Variants in DPPA3 observed in about 807,000 individuals in gnomAD.
DPPA3 encodes developmental pluripotency associated 3.
Under a neutral mutation model 15.6 loss-of-function variants are expected in DPPA3, and 9 were observed. The observed-to-expected ratio is 0.58, with a 90% CI of 0.35 to 1.01. The LOEUF is 1.01. Ranked by LOEUF, DPPA3 falls within the 50% of genes least tolerant of loss-of-function variation. The pLI, the probability that DPPA3 is intolerant of heterozygous loss-of-function variation, is 0.02. For synonymous variants in DPPA3, 61 were observed against 70.9 expected, an observed-to-expected ratio of 0.86 and a Z score of 0.70; for missense variants, 148 against 194.6, an observed-to-expected ratio of 0.76 and a Z score of 1.42.
chr12:7,714,908 T>C (rs1265063700), intron 1 of DPPA3, among the ~76,000 whole-genome samples: 1 of 151,482 alleles, frequency 6.6e-6, no homozygotes, highest in African/African-American at 2.4e-5. Context: ...AGAGAGGGGG[T>C]TTCACCGTAT....
Position 7,716,202 on chromosome 12 carries a change from A to G in DPPA3, c.332A>G (p.Glu111Gly). Residue 111 changes from glutamate (E) to glycine (G), a missense_variant, in exon 3 of 4, where the codon GAA becomes GGA. Coordinates refer to ENST00000345088, the MANE Select transcript of DPPA3 (RefSeq NM_199286.4). ...ACATATTTTTTTCCCATGAAGCATG[A>G]AAGAAGACCAACAAACAAGGAGCCT... ...YMLLGGVRTH[E>G]RRPTNKEPKG... 1 of 1,606,020 alleles carries G rather than the reference A, an allele frequency of 6.2e-7. No homozygotes were observed. The highest frequency in any genetic ancestry group is 8.5e-7 in the Non-Finnish European group (1 of 1,175,842).
In DPPA3 at chr12:7,716,219, A is replaced by C; in HGVS notation, c.349A>C (p.Lys117Gln). The change falls in exon 3 of 4, where the codon AAG becomes CAG. Residue 117 changes from lysine to glutamine, a missense_variant. Physicochemically the swap from Lys to Gln is moderately conservative, Grantham distance 53. Coordinates refer to ENST00000345088, the MANE Select transcript of DPPA3 (RefSeq NM_199286.4). ...VRTHERRPTNKEPKGVKKESR... is the reference protein window; with the variant it reads ...VRTHERRPTNQEPKGVKKESR... ...GAAGCATGAAAGAAGACCAACAAAC[A>C]AGGAGCCTAAGGGAGTTAAGGTAAG... 1 of 1,605,788 alleles carries C rather than the reference A, an allele frequency of 6.2e-7. No homozygotes were observed. Among genetic ancestry groups the C allele is most frequent in the Non-Finnish European group, 8.5e-7 (1 of 1,176,058 alleles).
intron 1 of DPPA3, among the ~76,000 whole-genome samples, chr12:7,712,926 C>CT (rs1864360482): frequency 6.6e-6 from 1 of 152,106 alleles, no homozygotes; most frequent in South Asian, 2.1e-4. Flanking sequence ...AATAAACAGA[C>CT]TAACAGCTTC....
intron 3 of DPPA3, among the ~76,000 whole-genome samples, chr12:7,716,555 C>T (rs1864401932): frequency 6.6e-6 from 1 of 152,098 alleles, no homozygotes; most frequent in Non-Finnish European, 1.5e-5. Flanking sequence ...GGATTATCAT[C>T]CAGAGTTCAT....
At chr12:7,715,557 A>G in intron 2 of DPPA3, 130 bp downstream of exon 2, 1 of 1,389,944 alleles carries the variant, frequency 7.2e-7, no homozygotes, top group East Asian at 2.4e-5. Flanking sequence ...GCACTTCGGG[A>G]GGCTGAGGCA....
chr12:7,713,086 C>G (rs963426219), intron 1 of DPPA3, among the ~76,000 whole-genome samples: 1 of 152,234 alleles, frequency 6.6e-6, no homozygotes, highest in Non-Finnish European at 1.5e-5. Context: ...TCCTTTCTTA[C>G]AGCAGCACCC....
Position 7,717,271 on chromosome 12 carries a change from A to G in DPPA3, c.*194A>G, listed in dbSNP as rs916150166. ...CTGTGTAATCTGAATGTATTTGAAT[A>G]ACTTTAGCTCTACTGTTTGATTTGA... On this transcript the variant is annotated 3_prime_UTR_variant, in exon 4 of 4. Coordinates refer to ENST00000345088, the MANE Select transcript of DPPA3 (RefSeq NM_199286.4). 1.9e-6 allele frequency: 1 copy of G among 527,800 alleles called. No homozygotes were observed. Among genetic ancestry groups the G allele is most frequent in the Non-Finnish European group, 3.4e-6 (1 of 297,334 alleles). The allele number at this position is 527,800 out of a possible 1,614,324, so 32.7% of individuals were successfully genotyped here.
rs745385909 is a variant in DPPA3 at position 7,715,255 on chromosome 12, C to A, written c.155C>A (p.Ser52Tyr). The A allele has an allele frequency of 6.2e-7, 1 of 1,613,868 alleles. No homozygotes were observed. Among genetic ancestry groups the A allele is most frequent in the Non-Finnish European group, 8.5e-7 (1 of 1,179,848 alleles). ...TTGACTATCAACGCTAGTAGCGAATCTGTTTCCCCTCTATCGGAAGCTTTA... is the reference window on the plus strand; with the variant it reads ...TTGACTATCAACGCTAGTAGCGAATATGTTTCCCCTCTATCGGAAGCTTTA... Reference protein sequence around the residue: ...SNLTINASSESVSPLSEALLR... With the variant: ...SNLTINASSEYVSPLSEALLR... Residue 52 changes from serine to tyrosine, a missense_variant, in exon 2 of 4, where the codon TCT (serine) becomes TAT (tyrosine). Physicochemically the swap from Ser to Tyr is moderately radical, Grantham distance 144. Transcript: ENST00000345088.
chr12:7,715,553 CG>C, intron 2 of DPPA3, 126 bp downstream of exon 2: 1 of 1,442,152 alleles, frequency 6.9e-7, no homozygotes, highest in Non-Finnish European at 9.4e-7. Flanking sequence ...CTGAGCACTT[CG>C]GGAGGCTGAG....
At chr12:7,714,253 A>G (rs146736306) in intron 1 of DPPA3, among the ~76,000 whole-genome samples, 167 of 143,540 alleles carry the variant, frequency 1.2e-3, no homozygotes, top group African/African-American at 4.2e-3. Context: ...ATAACAGTCT[A>G]GAAAACAAGG....
At chr12:7,716,065 T>G in intron 2 of DPPA3, 133 bp from the exon 3 acceptor site, 1 of 775,246 alleles carries the variant, frequency 1.3e-6, no homozygotes, top group South Asian at 2.0e-5. Context: ...ATTGCTCCAC[T>G]GCAATCCAGC....
chr12:7,716,481 G>A (rs745391704), intron 3 of DPPA3, among the ~76,000 whole-genome samples: 19 of 152,046 alleles, frequency 1.2e-4, no homozygotes, highest in South Asian at 8.3e-4. Context: ...CACACATGCC[G>A]CCTCTACTGT....
rs74609065 is a variant in DPPA3 at position 7,716,495 on chromosome 12, C to T, written c.369+256C>T. Among the ~76,000 whole-genome samples, 931 of 152,228 alleles carry T rather than the reference C, an allele frequency of 6.1e-3. 41 individuals carry two copies. The South Asian group carries it at 0.093, about 15-fold the overall frequency. ...CCACACATGCCGCCTCTACTGTCAA[C>T]GTCACACACCAGAATTGCACACTTT... On this transcript the variant is annotated intron_variant, in intron 3 of 3. Transcript: ENST00000345088.
Position 7,711,452 on chromosome 12 carries a change from G to A in DPPA3, c.-119G>A. The A allele has an allele frequency of 2.5e-6, 2 of 808,112 alleles. No homozygotes were observed. The highest frequency in any genetic ancestry group is 3.8e-6 in the Non-Finnish European group (2 of 524,714). The allele number at this position is 808,112 out of a possible 1,614,324, so 50.1% of individuals were successfully genotyped here. On this transcript the variant is annotated 5_prime_UTR_variant, in exon 1 of 4. Coordinates refer to ENST00000345088, the MANE Select transcript of DPPA3 (RefSeq NM_199286.4). ...GTTTACGTCAGTTCTTTGACCATTC[G>A]TTGGAGCTCCGGTTTTCAGCCTCTT... is the stretch of plus-strand genomic sequence containing the variant.
chr12:7,716,092 G>T, intron 2 of DPPA3, 106 bp from the exon 3 acceptor site: 1 of 992,388 alleles, frequency 1.0e-6, no homozygotes, highest in South Asian at 1.6e-5. Flanking sequence ...AACAGAGAAA[G>T]ACCCTGTCTC....
Position 7,716,178 on chromosome 12 carries a change from C to CAT in DPPA3, c.328-17_328-16dup, listed in dbSNP as rs1565455089. The CAT allele has an allele frequency of 6.9e-7, 1 of 1,450,626 alleles. No homozygotes were observed. Among genetic ancestry groups the CAT allele is most frequent in the South Asian group, 1.2e-5 (1 of 85,296 alleles). 89.9% of individuals were successfully genotyped at this position (1,450,626 alleles called of 1,614,324 possible). A position where few individuals can be genotyped will look rare whatever the true frequency, so the allele number is the denominator to read the frequency against. On this transcript the variant is annotated intron_variant, in intron 2 of 3. Coordinates refer to ENST00000345088, the MANE Select transcript of DPPA3 (RefSeq NM_199286.4). ...CTTTTTCTTGATAGTTTTCAATAAA[C>CAT]ATATTTTTTTCCCATGAAGCATGAA...
At chr12:7,713,091 G>A (rs1477730635) in intron 1 of DPPA3, among the ~76,000 whole-genome samples, 2 of 152,228 alleles carry the variant, frequency 1.3e-5, no homozygotes, top group African/African-American at 4.8e-5. Flanking sequence ...TCTTACAGCA[G>A]CACCCAAGCG....
Position 7,717,244 on chromosome 12 carries a change from A to C in DPPA3, c.*167A>C. On this transcript the variant is annotated 3_prime_UTR_variant, in exon 4 of 4. Transcript: ENST00000345088. Reference sequence around the variant, plus strand: ...CTATGATACTAGTAATTCATAAGGGATCTGTGTAATCTGAATGTATTTGAA... The same window carrying C: ...CTATGATACTAGTAATTCATAAGGGCTCTGTGTAATCTGAATGTATTTGAA... The C allele has an allele frequency of 1.8e-6, 1 of 568,214 alleles. No homozygotes were observed. The highest frequency in any genetic ancestry group is 3.1e-6 in the Non-Finnish European group (1 of 320,458). 35.2% of individuals were successfully genotyped at this position (568,214 alleles called of 1,614,324 possible). A position where few individuals can be genotyped will look rare whatever the true frequency, so the allele number is the denominator to read the frequency against.
chr12:7,716,460 C>A (rs1864400471), intron 3 of DPPA3, among the ~76,000 whole-genome samples: 1 of 151,964 alleles, frequency 6.6e-6, no homozygotes, highest in African/African-American at 2.4e-5. Context: ...CATAGCCTTT[C>A]CCCCACACCC....
Sources: allele counts gnomAD v4.1 joint callset (sites outside exome capture counted in the v4.1 genomes callset), GRCh38; gene constraint gnomAD v4.1.1; transcripts MANE v1.5; gene names NCBI Gene and HGNC (gene_info 2026-07-23, HGNC 2026-07-21).